DENND11: variants seen among roughly 807,000 people sequenced by gnomAD.
DENND11 encodes the protein DENN domain-containing protein 11.
Under a neutral mutation model 49.2 loss-of-function variants are expected in DENND11, and 34 were observed. The ratio of observed to expected loss-of-function variants is 0.69; its 90% CI spans 0.53 to 0.92. The LOEUF is 0.92. Among genes scored for constraint, DENND11 ranks in the 40% least tolerant of loss-of-function variants. The probability of loss-of-function intolerance (pLI) is 0.00; values close to 1 mark genes in which losing one functional copy is unlikely to be tolerated. For synonymous variants in DENND11, 238 were observed against 230.3 expected, an observed-to-expected ratio of 1.03 and a Z score of -0.30; for missense variants, 475 against 581.6, an observed-to-expected ratio of 0.82 and a Z score of 1.88.
At chr7:141,679,316 A>G (rs979768165) in intron 3 of DENND11, among the ~76,000 whole-genome samples, 3 of 152,242 alleles carry the variant, frequency 2.0e-5, no homozygotes, top group African/African-American at 7.2e-5. Flanking sequence ...CACCTACATG[A>G]CAAGAAGGCA....
rs1798026328 is a variant in DENND11 at position 141,674,059 on chromosome 7, A to G, written c.681+8T>C. The G allele has an allele frequency of 1.9e-6, 3 of 1,604,464 alleles. No individual in the cohort carries two copies. Among genetic ancestry groups the G allele is most frequent in the Non-Finnish European group, 2.6e-6 (3 of 1,175,678 alleles). ...AGTATAGTGTAAGAAAAGCAGGGCT[A>G]ACCTCACCTTCATCTCAGGGTACAT... On this transcript the variant is annotated splice_region_variant and intron_variant, in intron 4 of 8. Coordinates refer to ENST00000536163, the MANE Select transcript of DENND11 (RefSeq NM_001080392.2).
At chr7:141,696,004 T>C (rs372219291) in intron 1 of DENND11, among the ~76,000 whole-genome samples, 4 of 152,348 alleles carry the variant, frequency 2.6e-5, no homozygotes, top group Admixed American at 6.5e-5. Flanking sequence ...GCTGAGCTCA[T>C]GCAAAGGCAA....
intron 4 of DENND11, among the ~76,000 whole-genome samples, chr7:141,673,007 C>T (rs1045063808): frequency 6.6e-6 from 1 of 152,178 alleles, no homozygotes; most frequent in African/African-American, 2.4e-5. Context: ...TTCCCTCATG[C>T]CAGCTGACAA....
intron 4 of DENND11, 140 bp downstream of exon 4, chr7:141,673,926 AT>A (rs745466462): frequency 9.9e-7 from 1 of 1,005,692 alleles, no homozygotes; most frequent in East Asian, 2.6e-5. Flanking sequence ...CCAAATGCTT[AT>A]GTTGCAACTC....
chr7:141,685,560 C>T lies in DENND11; in HGVS notation c.445G>A (p.Ala149Thr), dbSNP rs369765513. The part of the protein sequence containing the change: ...MPVESELERG[A>T]RMKSVGILSP... ...AGGATGCCCACAGACTTCATCCGCGCGCCACGTTCCAGCTCGCTCTCCACG... is the reference window on the plus strand; with the variant it reads ...AGGATGCCCACAGACTTCATCCGCGTGCCACGTTCCAGCTCGCTCTCCACG... Residue 149 changes from alanine (A) to threonine (T), a missense_variant, in exon 3 of 9, where the codon GCG becomes ACG. Transcript: ENST00000536163. 33 of 1,613,844 alleles carry T rather than the reference C, an allele frequency of 2.0e-5. No homozygotes were observed. The highest frequency in any genetic ancestry group is 2.7e-5 in the African/African-American group (2 of 74,910).
chr7:141,674,887 C>T (rs182607069), intron 3 of DENND11, among the ~76,000 whole-genome samples: 5 of 152,220 alleles, frequency 3.3e-5, no homozygotes, highest in African/African-American at 7.2e-5. Context: ...AAGGCAGCAC[C>T]GAAGCCCTGG....
intron 1 of DENND11, among the ~76,000 whole-genome samples, chr7:141,687,711 T>C (rs1029493562): frequency 6.7e-6 from 1 of 149,232 alleles, no homozygotes; most frequent in Admixed American, 6.8e-5. Flanking sequence ...CTCGGCTCAA[T>C]GCAAGCTCCG....
Position 141,659,626 on chromosome 7 carries a change from A to G in DENND11, c.*3030T>C, listed in dbSNP as rs1381392780. 1.3e-5 allele frequency: 2 copies of G among 152,368 alleles called. No individual in the cohort carries two copies. Among genetic ancestry groups the G allele is most frequent in the African/African-American group, 2.4e-5 (1 of 41,468 alleles). The allele number at this position is 152,368 out of a possible 1,614,324, so 9.4% of individuals were successfully genotyped here. A position where few individuals can be genotyped will look rare whatever the true frequency, so the allele number is the denominator to read the frequency against. On this transcript the variant is annotated 3_prime_UTR_variant, in exon 9 of 9. Transcript: ENST00000536163. ...TCAGGAACAACAGGGCAGCCCAGCC[A>G]GCATCTCAGGTCAGCAATCATTTCC...
rs1797746504 is a variant in DENND11 at position 141,659,078 on chromosome 7, T to C, written c.*3578A>G. The C allele has an allele frequency of 6.6e-6, 1 of 152,314 alleles. No individual in the cohort carries two copies. The highest frequency in any genetic ancestry group is 2.4e-5 in the African/African-American group (1 of 41,464). The allele number at this position is 152,314 out of a possible 1,614,324, so 9.4% of individuals were successfully genotyped here. A position where few individuals can be genotyped will look rare whatever the true frequency, so the allele number is the denominator to read the frequency against. ...GCACCTGTGTGCTATCTTAACTTTCTTGTCTTGACTTTAAAGTGGAACAAA... is the reference window on the plus strand; with the variant it reads ...GCACCTGTGTGCTATCTTAACTTTCCTGTCTTGACTTTAAAGTGGAACAAA... On this transcript the variant is annotated 3_prime_UTR_variant, in exon 9 of 9. Coordinates refer to ENST00000536163, the MANE Select transcript of DENND11 (RefSeq NM_001080392.2).
rs1355150311 is a variant in DENND11, at chr7:141,681,419, AGTCTCTCTC to A, written c.527+4050_527+4058del. Among the ~76,000 whole-genome samples the A allele has an allele frequency of 4.5e-4, 69 of 152,324 alleles. 1 individual carries two copies. The highest frequency in any genetic ancestry group is 1.3e-4 in the Non-Finnish European group (9 of 68,024). ...CTGTACACCAAAAGCAGGAGACAGG[AGTCTCTCTC>A]AGGGCATCTATGAAAGTCTCCAGTT... is the stretch of plus-strand genomic sequence containing the variant. On this transcript the variant is annotated intron_variant, in intron 3 of 8. Transcript: ENST00000536163.
chr7:141,693,323 A>G (rs1367736374), intron 1 of DENND11, among the ~76,000 whole-genome samples: 1 of 152,254 alleles, frequency 6.6e-6, no homozygotes, highest in Non-Finnish European at 1.5e-5. Context: ...TGACACACAT[A>G]TCAGAATGGC....
chr7:141,690,179 GA>G (rs1451910761), intron 1 of DENND11, among the ~76,000 whole-genome samples: 2 of 152,212 alleles, frequency 1.3e-5, no homozygotes, highest in African/African-American at 2.4e-5. Flanking sequence ...CTAGAGTGGT[GA>G]GGGGCAGCAG....
intron 4 of DENND11, among the ~76,000 whole-genome samples, chr7:141,666,758 G>A (rs1797902384): frequency 6.6e-6 from 1 of 152,092 alleles, no homozygotes; most frequent in African/African-American, 2.4e-5. Context: ...AACTCAACTC[G>A]AAAACATTAC....
chr7:141,674,118 G>A lies in DENND11; in HGVS notation c.630C>T (p.Pro210=), dbSNP rs1224596134. 6.2e-7 allele frequency: 1 copy of A among 1,600,140 alleles called. No homozygotes were observed. ...HAGPGRGSSL[P]PVYWLPSIHR... ...GGATGGAAGGCAGCCAGTAGACAGGGGGCAGGCTGCTGCCTCTGCCGGGAC... is the reference window on the plus strand; with the variant it reads ...GGATGGAAGGCAGCCAGTAGACAGGAGGCAGGCTGCTGCCTCTGCCGGGAC... Residue 210 remains proline (P), a synonymous_variant, in exon 4 of 9, where the codon CCC becomes CCT. Coordinates refer to ENST00000536163, the MANE Select transcript of DENND11 (RefSeq NM_001080392.2).
chr7:141,663,292 G>C (rs1393891260), intron 8 of DENND11: 1 of 158,158 alleles, frequency 6.3e-6, no homozygotes, highest in East Asian at 1.9e-4. Context: ...GGAGGAGTGA[G>C]ATTATGCACA....
intron 1 of DENND11, among the ~76,000 whole-genome samples, chr7:141,697,710 A>G (rs964554184): frequency 6.6e-6 from 1 of 152,150 alleles, no homozygotes; most frequent in African/African-American, 2.4e-5. Context: ...CACCAGACCT[A>G]GCCCTATTCT....
At chr7:141,694,279 A>G (rs1282652640) in intron 1 of DENND11, among the ~76,000 whole-genome samples, 1 of 152,132 alleles carries the variant, frequency 6.6e-6, no homozygotes, top group Non-Finnish European at 1.5e-5. Context: ...ATTTTATTTT[A>G]TTTTATTAAG....
rs1797758230 is a variant in DENND11 at position 141,659,643 on chromosome 7, A to G, written c.*3013T>C. 1 of 152,336 alleles carries G rather than the reference A, an allele frequency of 6.6e-6. No individual in the cohort carries two copies. Among genetic ancestry groups the G allele is most frequent in the Non-Finnish European group, 1.5e-5 (1 of 68,118 alleles). The allele number at this position is 152,336 out of a possible 1,614,324, so 9.4% of individuals were successfully genotyped here. A position where few individuals can be genotyped will look rare whatever the true frequency, so the allele number is the denominator to read the frequency against. On this transcript the variant is annotated 3_prime_UTR_variant, in exon 9 of 9. Transcript: ENST00000536163. ...GCCCAGCCAGCATCTCAGGTCAGCA[A>G]TCATTTCCAAACTGGCACATAGTTC...
rs116648838 is a variant in DENND11 at position 141,670,673 on chromosome 7, T to C, written c.681+3394A>G. ...ATGGGATTATGGCTTCTACTGAATG[T>C]GAATTGCTTCCGCACCATCATAAGG... On this transcript the variant is annotated intron_variant, in intron 4 of 8. Coordinates refer to ENST00000536163, the MANE Select transcript of DENND11 (RefSeq NM_001080392.2). Among the ~76,000 whole-genome samples the C allele has an allele frequency of 4.0e-3, 607 of 152,354 alleles. 4 individuals carry two copies. The highest frequency in any genetic ancestry group is 0.014 in the African/African-American group (565 of 41,584).
Sources: gnomAD v4.1 joint callset for allele counts (sites outside exome capture counted in the v4.1 genomes callset) on GRCh38, gnomAD v4.1.1 for gene constraint, MANE v1.5 for transcripts, NCBI Gene and HGNC (gene_info 2026-07-23, HGNC 2026-07-21) for gene names.